GABRA3: variants seen among roughly 807,000 people sequenced by gnomAD.
GABRA3 encodes gamma-aminobutyric acid type A receptor subunit alpha3.
A neutral mutation model predicts 30.1 loss-of-function variants in GABRA3; 10 were observed. That is an observed-to-expected ratio of 0.33 (90% CI 0.20 to 0.56). The LOEUF is 0.56. GABRA3 is among the 20% of genes least tolerant of loss of function. GABRA3 has a pLI of 0.89. For missense variants in GABRA3, 233 were observed against 392.0 expected, an observed-to-expected ratio of 0.59 and a Z score of 3.42; for synonymous variants, 151 against 146.8, an observed-to-expected ratio of 1.03 and a Z score of -0.21.
At chrX:152,444,119 C>T (rs1241097330) in intron 1 of GABRA3, among the ~76,000 whole-genome samples, 19 of 109,548 alleles carry the variant, frequency 1.7e-4, no homozygotes, top group Non-Finnish European at 3.4e-4. Context: ...CTTTTATAAT[C>T]AGGAAAAAAC....
intron 3 of GABRA3, among the ~76,000 whole-genome samples, chrX:152,293,007 C>T (rs1434480878): frequency 1.8e-5 from 2 of 111,195 alleles, no homozygotes; most frequent in East Asian, 5.6e-4. Context: ...CGATGTGGTG[C>T]TGAAAAGAAT....
At chrX:152,182,563 A>C (rs1356484181) in intron 9 of GABRA3, among the ~76,000 whole-genome samples, 1 of 78,970 alleles carries the variant, frequency 1.3e-5, no homozygotes, top group Admixed American at 1.6e-4. Context: ...CACTATATAT[A>C]TACTATATAT....
At chrX:152,182,740 C>A (rs866431293) in intron 9 of GABRA3, among the ~76,000 whole-genome samples, 1 of 34,908 alleles carries the variant, frequency 2.9e-5, no homozygotes, top group African/African-American at 1.2e-4. Flanking sequence ...TATATATACA[C>A]TATATATACA....
chrX:152,348,614 C>A (rs73639080), intron 2 of GABRA3, among the ~76,000 whole-genome samples: 11,751 of 110,790 alleles, frequency 0.11, 504 homozygotes, highest in South Asian at 0.13. Flanking sequence ...GTGAGACCTA[C>A]AGGCATACCT....
chrX:152,392,600 T>C (rs896928511), intron 1 of GABRA3, among the ~76,000 whole-genome samples: 5 of 111,410 alleles, frequency 4.5e-5, no homozygotes, highest in Non-Finnish European at 7.5e-5. Context: ...GGAGACCTCA[T>C]AGATGGATAT....
intron 3 of GABRA3, among the ~76,000 whole-genome samples, chrX:152,291,883 GCTTTTTGATGTA>G (rs1339415238): frequency 8.9e-6 from 1 of 111,957 alleles, no homozygotes; most frequent in African/African-American, 3.3e-5. Flanking sequence ...TGGCGGATAA[GCTTTTTGATGTA>G]CTTACTGCTG....
intron 8 of GABRA3, among the ~76,000 whole-genome samples, chrX:152,197,311 G>T (rs1017505579): frequency 9.0e-6 from 1 of 111,638 alleles, no homozygotes; most frequent in African/African-American, 3.3e-5. Context: ...AGACAGCTTG[G>T]TTTCTAACCC....
At chrX:152,370,311 A>G (rs1202360985) in intron 1 of GABRA3, among the ~76,000 whole-genome samples, 1 of 111,516 alleles carries the variant, frequency 9.0e-6, no homozygotes, top group African/African-American at 3.3e-5. Flanking sequence ...TGACATGAGG[A>G]CTGTCTGCCA....
chrX:152,326,996 G>A (rs1294907805), intron 3 of GABRA3, among the ~76,000 whole-genome samples: 1 of 108,457 alleles, frequency 9.2e-6, no homozygotes, highest in African/African-American at 3.4e-5. Flanking sequence ...TCAAAATAAA[G>A]GGATGGAGAA....
chrX:152,200,179 C>T (rs1937463412), intron 7 of GABRA3, among the ~76,000 whole-genome samples: 1 of 111,890 alleles, frequency 8.9e-6, no homozygotes, highest in African/African-American at 3.2e-5. Context: ...TCCCCAAAGA[C>T]CCTTGCGATA....
chrX:152,197,027 T>C (rs1937397602), intron 8 of GABRA3, among the ~76,000 whole-genome samples: 1 of 111,831 alleles, frequency 8.9e-6, no homozygotes, highest in South Asian at 3.7e-4. Flanking sequence ...TCTCCGACAG[T>C]GGGAAAAATA....
At chrX:152,248,776 A>G (rs1166269083) in intron 5 of GABRA3, among the ~76,000 whole-genome samples, 1 of 111,809 alleles carries the variant, frequency 8.9e-6, no homozygotes, top group Non-Finnish European at 1.9e-5. Context: ...CTAGCTGACA[A>G]TAATGACGAT....
In GABRA3 at chrX:152,168,579, AAG is replaced by A. The variant is rs1332107455; in HGVS notation, c.1144-18_1144-17del. 3 of 1,144,300 alleles carry A rather than the reference AAG, an allele frequency of 2.6e-6. No individual in the cohort carries two copies. Among genetic ancestry groups the A allele is most frequent in the African/African-American group, 1.8e-5 (1 of 55,739 alleles). 94.3% of individuals were successfully genotyped at this position (1,144,300 alleles called of 1,213,427 possible). A position where few individuals can be genotyped will look rare whatever the true frequency, so the allele number is the denominator to read the frequency against. On this transcript the variant is annotated splice_polypyrimidine_tract_variant and intron_variant, in intron 9 of 9. Coordinates refer to ENST00000370314, the MANE Select transcript of GABRA3 (RefSeq NM_000808.4). ...GTGTTTTCTTCTAGAGGCCAGGAAA[AAG>A]AGGGGGGGAAAGGGAGAAAAAAGCA...
chrX:152,210,367 C>T (rs1211075446), intron 6 of GABRA3, among the ~76,000 whole-genome samples: 3 of 111,935 alleles, frequency 2.7e-5, no homozygotes, highest in Admixed American at 9.5e-5. Flanking sequence ...GGTACAAGAA[C>T]GCTTTCATTT....
chrX:152,289,883 T>C lies in GABRA3; in HGVS notation c.263-5148A>G, dbSNP rs1418718847. On this transcript the variant is annotated intron_variant, in intron 3 of 9. Coordinates refer to ENST00000370314, the MANE Select transcript of GABRA3 (RefSeq NM_000808.4). ...TATGGCTGCATAGTATTCCATGGTG[T>C]ATATATGCCATATTTTCTCAATCCA... 2.7e-5 allele frequency among the ~76,000 whole-genome samples: 3 copies of C among 112,135 alleles called. No individual in the cohort carries two copies. The East Asian group carries it at 8.4e-4, about 31-fold the overall frequency.
chrX:152,195,220 G>GT (rs1937370237), intron 8 of GABRA3, among the ~76,000 whole-genome samples: 2 of 111,996 alleles, frequency 1.8e-5, no homozygotes. Context: ...GTGAGGCCAA[G>GT]TTTGAATTAG....
intron 1 of GABRA3, among the ~76,000 whole-genome samples, chrX:152,405,306 CAAAAAAA>C (rs1182138088): frequency 2.7e-4 from 9 of 33,732 alleles, no homozygotes; most frequent in South Asian, 2.7e-3. Context: ...CGCACCCTTG[CAAAAAAA>C]AAAAAAAAAA....
chrX:152,331,179 G>C, intron 3 of GABRA3, among the ~76,000 whole-genome samples: 1 of 92,375 alleles, frequency 1.1e-5, no homozygotes, highest in Admixed American at 1.1e-4. Context: ...ACAGACTTTG[G>C]AAGGAAAAAA....
chrX:152,213,322 G>A (rs137926973), intron 6 of GABRA3, among the ~76,000 whole-genome samples: 3 of 111,832 alleles, frequency 2.7e-5, no homozygotes, highest in African/African-American at 9.7e-5. Flanking sequence ...TAAAACATCT[G>A]AGGCCTCATC....
Sources: gnomAD v4.1 joint callset for allele counts (sites outside exome capture counted in the v4.1 genomes callset) on GRCh38, gnomAD v4.1.1 for gene constraint, MANE v1.5 for transcripts, NCBI Gene and HGNC (gene_info 2026-07-23, HGNC 2026-07-21) for gene names.